Variants in AGAP1 observed in about 807,000 individuals in gnomAD.
The protein encoded by AGAP1 is arf-GAP with GTPase, ANK repeat and PH domain-containing protein 1.
Under a neutral mutation model 105.3 loss-of-function variants are expected in AGAP1, and 29 were observed. That is an observed-to-expected ratio of 0.28 (90% confidence interval 0.21 to 0.38). The LOEUF (loss-of-function observed/expected upper bound fraction) is 0.38, where lower values mean the gene tolerates loss of function less well. Ranked by LOEUF, AGAP1 falls within the 10% of genes least tolerant of loss-of-function variation. AGAP1 has a pLI of 1.00. For synonymous variants in AGAP1, 509 were observed against 485.9 expected (o/e 1.05, Z -0.63); for missense variants, 998 against 1,165.1 (o/e 0.86, Z 2.09).
rs531709770 is a variant in AGAP1 at position 236,066,397 on chromosome 2, C to T, written c.2114+17116C>T. On this transcript the variant is annotated intron_variant, in intron 16 of 17. Transcript: ENST00000304032. The stretch of plus-strand genomic sequence containing the variant: ...CCTGCCACCACGCCCAGTTCATTTT[C>T]GTATTTTTAGTAGAGATGGGGTTTC... Among the ~76,000 whole-genome samples, 56 of 152,076 alleles carry T rather than the reference C, an allele frequency of 3.7e-4. No homozygotes were observed. The South Asian group carries it at 4.8e-3, about 13-fold the overall frequency.
At chr2:236,100,485 G>A (rs541287562) in intron 16 of AGAP1, among the ~76,000 whole-genome samples, 3 of 152,158 alleles carry the variant, frequency 2.0e-5, no homozygotes, top group African/African-American at 7.2e-5. Context: ...AAAACACCTA[G>A]TGGGTGTATA....
chr2:235,746,329 T>C (rs1279561197), intron 5 of AGAP1, among the ~76,000 whole-genome samples: 3 of 145,702 alleles, frequency 2.1e-5, no homozygotes, highest in African/African-American at 5.1e-5. Flanking sequence ...TTCAGTGTGC[T>C]AGATGAGAGA....
chr2:235,615,945 C>G lies in AGAP1; in HGVS notation c.164-93234C>G, dbSNP rs547008800. Among the ~76,000 whole-genome samples the G allele has an allele frequency of 6.6e-6, 1 of 151,886 alleles. No homozygotes were observed. Among genetic ancestry groups the G allele is most frequent in the Non-Finnish European group, 1.5e-5 (1 of 67,956 alleles). On this transcript the variant is annotated intron_variant, in intron 1 of 17. Transcript: ENST00000304032. This position sits in a 1 kb window ranked among gnomAD's most constrained non-coding sequence, Gnocchi z 5.0. ...CTATATGTAAAGAGTTCTTATAAAA[C>G]AATAAGAAAAATATTTCCTAACTAA...
At chr2:235,764,362 C>T (rs917542733) in intron 6 of AGAP1, among the ~76,000 whole-genome samples, 2 of 152,198 alleles carry the variant, frequency 1.3e-5, no homozygotes, top group Admixed American at 6.5e-5. Flanking sequence ...GCTTCAGCCC[C>T]TCCCCGTTGC....
chr2:235,800,847 C>T (rs1309235242), intron 8 of AGAP1, among the ~76,000 whole-genome samples: 1 of 152,182 alleles, frequency 6.6e-6, no homozygotes, highest in Non-Finnish European at 1.5e-5. Flanking sequence ...TTATCCAGCC[C>T]CACATGTTAG....
At chr2:235,884,404 T>G (rs1295902470) in intron 10 of AGAP1, among the ~76,000 whole-genome samples, 2 of 152,090 alleles carry the variant, frequency 1.3e-5, no homozygotes, top group African/African-American at 4.8e-5. Context: ...TATACTATTG[T>G]TTTTTATTTG....
chr2:235,726,772 C>G (rs909833988), intron 3 of AGAP1, among the ~76,000 whole-genome samples: 1 of 151,922 alleles, frequency 6.6e-6, no homozygotes. Context: ...GATAGTTGAC[C>G]AACTTAGGTT....
chr2:236,007,138 T>G (rs1348044785), intron 13 of AGAP1, among the ~76,000 whole-genome samples: 1 of 152,242 alleles, frequency 6.6e-6, no homozygotes, highest in Non-Finnish European at 1.5e-5. Flanking sequence ...CTTCTTTTGC[T>G]TTTCCACTCT....
At chr2:236,122,561 G>A (rs956972793) in intron 17 of AGAP1, among the ~76,000 whole-genome samples, 4 of 151,954 alleles carry the variant, frequency 2.6e-5, no homozygotes, top group Non-Finnish European at 5.9e-5. Flanking sequence ...GCTTAAAAAC[G>A]TTGTGTACTT....
chr2:235,588,769 TC>T (rs1434346310), intron 1 of AGAP1, among the ~76,000 whole-genome samples: 3 of 152,178 alleles, frequency 2.0e-5, no homozygotes, highest in African/African-American at 7.2e-5. Context: ...ATCATACATG[TC>T]ATTATTCACT....
rs1215493779 is a variant in AGAP1 at position 235,788,759 on chromosome 2, C to A, written c.674-9000C>A. 6.6e-6 allele frequency among the ~76,000 whole-genome samples: 1 copy of A among 152,220 alleles called. No homozygotes were observed. The highest frequency in any genetic ancestry group is 2.1e-4 in the South Asian group (1 of 4,820). On this transcript the variant is annotated intron_variant, in intron 6 of 17. Transcript: ENST00000304032. This position sits in a 1 kb window ranked among gnomAD's most constrained non-coding sequence, Gnocchi z 6.0. ...CCCAAATGGTGGGGAGAAGTGCTGG[C>A]GGAAGCAGAATGGAGCCCTCAGAAG...
At position 236,036,700 on chromosome 2, in the gene AGAP1, G is replaced by A; in HGVS notation, c.1785G>A (p.Glu595=). Residue 595 remains glutamate (E), a synonymous_variant, in exon 14 of 18, where the codon GAG becomes GAA. Transcript: ENST00000304032. This position sits in a 1 kb window ranked among gnomAD's most constrained non-coding sequence, Gnocchi z 5.7. The part of the protein sequence containing the change: ...SQILASLQSC[E]SSKNKSRLTS... Reference sequence around the variant, plus strand: ...TCCTGGCCAGCCTGCAGTCGTGCGAGAGCAGCAAGAACAAGGTGAGGCCCC... The same window carrying A: ...TCCTGGCCAGCCTGCAGTCGTGCGAAAGCAGCAAGAACAAGGTGAGGCCCC... The A allele has an allele frequency of 6.2e-7, 1 of 1,614,216 alleles. No individual in the cohort carries two copies. Among genetic ancestry groups the A allele is most frequent in the South Asian group, 1.1e-5 (1 of 91,080 alleles).
chr2:235,782,762 T>A (rs1270183680), intron 6 of AGAP1, among the ~76,000 whole-genome samples: 1 of 152,204 alleles, frequency 6.6e-6, no homozygotes, highest in Non-Finnish European at 1.5e-5. Flanking sequence ...AGTCACCTAT[T>A]CCCACTTTCT....
Position 235,716,180 on chromosome 2 carries a change from G to C in AGAP1, c.223-1377G>C, listed in dbSNP as rs186584465. ...GAGAGAAGGTTGGATGTGGACAGGCGCATGTTGGGACATTAGAGTGGAGGA... is the reference window on the plus strand; with the variant it reads ...GAGAGAAGGTTGGATGTGGACAGGCCCATGTTGGGACATTAGAGTGGAGGA... On this transcript the variant is annotated intron_variant, in intron 2 of 17. Transcript: ENST00000304032. This position sits in a 1 kb window ranked among gnomAD's most constrained non-coding sequence, Gnocchi z 4.0. Among the ~76,000 whole-genome samples the C allele has an allele frequency of 1.3e-5, 2 of 152,200 alleles. No homozygotes were observed. The highest frequency in any genetic ancestry group is 2.9e-5 in the Non-Finnish European group (2 of 68,030).
intron 13 of AGAP1, among the ~76,000 whole-genome samples, chr2:235,995,656 C>T (rs1306126390): frequency 6.6e-6 from 1 of 152,188 alleles, no homozygotes; most frequent in Non-Finnish European, 1.5e-5. Context: ...CTTGACACTG[C>T]GGGTCCGATT....
At position 236,126,946 on chromosome 2, in the gene AGAP1, G is replaced by C. The variant is rs922843902; in HGVS notation, c.*2824G>C. Reference sequence around the variant, plus strand: ...GAGCTAGGAATAACTCGTTTGAGAAGGGGGTGGAGTTTTCGTTGTTCATTT... The same window carrying C: ...GAGCTAGGAATAACTCGTTTGAGAACGGGGTGGAGTTTTCGTTGTTCATTT... On this transcript the variant is annotated 3_prime_UTR_variant, in exon 18 of 18. Coordinates refer to ENST00000304032, the MANE Select transcript of AGAP1 (RefSeq NM_001037131.3). 2 of 152,276 alleles carry C rather than the reference G, an allele frequency of 1.3e-5. No individual in the cohort carries two copies. Among genetic ancestry groups the C allele is most frequent in the African/African-American group, 4.8e-5 (2 of 41,452 alleles). 9.4% of individuals were successfully genotyped at this position (152,276 alleles called of 1,614,324 possible). A position where few individuals can be genotyped will look rare whatever the true frequency, so the allele number is the denominator to read the frequency against.
intron 1 of AGAP1, among the ~76,000 whole-genome samples, chr2:235,697,383 T>G (rs1950046126): frequency 6.6e-6 from 1 of 152,196 alleles, no homozygotes; most frequent in Non-Finnish European, 1.5e-5. Context: ...CATGTGAGGT[T>G]GTTAGAAGTA....
At chr2:235,928,060 C>T (rs2052538988) in intron 11 of AGAP1, among the ~76,000 whole-genome samples, 1 of 152,212 alleles carries the variant, frequency 6.6e-6, no homozygotes, top group South Asian at 2.1e-4. Context: ...CCAGAAGTGC[C>T]TGGCACAGCA....
In AGAP1 at chr2:235,574,552, T is replaced by G. The variant is rs1247559610; in HGVS notation, c.163+79703T>G. ...CTTTAAACACTTCCCACCACTGAAG[T>G]CTTTGGTTTCCTTGATTTGATAGTT... is the stretch of plus-strand genomic sequence containing the variant. On this transcript the variant is annotated intron_variant, in intron 1 of 17. Transcript: ENST00000304032. This position sits in a 1 kb window ranked among gnomAD's most constrained non-coding sequence, Gnocchi z 5.0. 6.6e-6 allele frequency among the ~76,000 whole-genome samples: 1 copy of G among 152,236 alleles called. No individual in the cohort carries two copies. Among genetic ancestry groups the G allele is most frequent in the Admixed American group, 6.5e-5 (1 of 15,288 alleles).
Sources: gnomAD v4.1 joint callset for allele counts (sites outside exome capture counted in the v4.1 genomes callset) on GRCh38, gnomAD v4.1.1 for gene constraint, Gnocchi (gnomAD v3.1) non-coding constraint, MANE v1.5 for transcripts, NCBI Gene and HGNC (gene_info 2026-07-23, HGNC 2026-07-21) for gene names.